The following CREB3L2 variants were observed in gnomAD, a reference collection of about 807,000 sequenced individuals.
CREB3L2 encodes the protein cAMP responsive element binding protein 3 like 2.
Under a neutral mutation model 57.2 loss-of-function variants are expected in CREB3L2, and 23 were observed. The observed-to-expected ratio is 0.40, with a 90% CI of 0.29 to 0.57. The LOEUF (loss-of-function observed/expected upper bound fraction) is 0.57, where lower values mean the gene tolerates loss of function less well. CREB3L2 is among the 20% of genes least tolerant of loss of function. CREB3L2 has a pLI of 0.42. For missense variants in CREB3L2, 628 were observed against 634.7 expected, an observed-to-expected ratio of 0.99 and a Z score of 0.11; for synonymous variants, 268 against 265.1, an observed-to-expected ratio of 1.01 and a Z score of -0.11.
At chr7:137,952,837 C>G (rs1801130016) in intron 1 of CREB3L2, among the ~76,000 whole-genome samples, 1 of 151,850 alleles carries the variant, frequency 6.6e-6, no homozygotes, top group Admixed American at 6.6e-5. Context: ...TAGACGGGGT[C>G]TCTCTCTCTC....
Position 137,898,471 on chromosome 7 carries a change from G to T in CREB3L2, c.1043+2883C>A, listed in dbSNP as rs192413752. Among the ~76,000 whole-genome samples the T allele has an allele frequency of 2.0e-5, 3 of 152,292 alleles. No individual in the cohort carries two copies. In the East Asian group the frequency reaches 5.8e-4, roughly 29 times the overall value. ...TACTTGTGTACCCATGTTCATTAAC[G>T]ATGAAGAGTCTTGCTTTAGAAAAAT... On this transcript the variant is annotated intron_variant, in intron 8 of 11. Transcript: ENST00000330387.
rs181493542 is a variant in CREB3L2 at position 137,941,151 on chromosome 7, C to T, written c.103-12785G>A. Reference sequence around the variant, plus strand: ...CATGGGACAGAAGGCATATAGTCTACATCAGCTCTGTAGATCCTAGCAGCA... The same window carrying T: ...CATGGGACAGAAGGCATATAGTCTATATCAGCTCTGTAGATCCTAGCAGCA... On this transcript the variant is annotated intron_variant, in intron 1 of 11. Transcript: ENST00000330387. Among the ~76,000 whole-genome samples the T allele has an allele frequency of 4.6e-5, 7 of 152,376 alleles. No individual in the cohort carries two copies. In the East Asian group the frequency reaches 1.3e-3, roughly 29 times the overall value.
chr7:137,897,355 A>C (rs1799649684), intron 8 of CREB3L2, among the ~76,000 whole-genome samples: 1 of 152,168 alleles, frequency 6.6e-6, no homozygotes, highest in African/African-American at 2.4e-5. Context: ...TCAGATCCCA[A>C]TAGCATGAAG....
Position 137,875,765 on chromosome 7 carries a change from G to GT in CREB3L2, c.*4710dup, listed in dbSNP as rs1799135659. On this transcript the variant is annotated 3_prime_UTR_variant, in exon 12 of 12. Transcript: ENST00000330387. ...TGGTAAAGAGTCACCCTTGTTTTCCGTATCTATAAAACTGAAAGACTTAAA... is the reference window on the plus strand; with the variant it reads ...TGGTAAAGAGTCACCCTTGTTTTCCGTTATCTATAAAACTGAAAGACTTAAA... The GT allele has an allele frequency of 4.5e-6, 1 of 223,160 alleles. No individual in the cohort carries two copies. Among genetic ancestry groups the GT allele is most frequent in the Non-Finnish European group, 8.9e-6 (1 of 111,768 alleles). The allele number at this position is 223,160 out of a possible 1,614,324, so 13.8% of individuals were successfully genotyped here. A position where few individuals can be genotyped will look rare whatever the true frequency, so the allele number is the denominator to read the frequency against.
intron 8 of CREB3L2, among the ~76,000 whole-genome samples, chr7:137,901,137 A>C (rs1449910319): frequency 6.6e-6 from 1 of 152,214 alleles, no homozygotes; most frequent in Non-Finnish European, 1.5e-5. Context: ...GCATGTGTGC[A>C]TATGTGTTTG....
chr7:137,905,917 A>G (rs60066950), intron 5 of CREB3L2, 69 bp from the exon 6 acceptor site: 7 of 1,403,514 alleles, frequency 5.0e-6, no homozygotes, highest in Non-Finnish European at 6.8e-6. Context: ...TCACCTCCCA[A>G]TGGGATGATG....
intron 1 of CREB3L2, among the ~76,000 whole-genome samples, chr7:137,930,686 C>T (rs992551863): frequency 1.3e-5 from 2 of 152,132 alleles, no homozygotes; most frequent in Admixed American, 6.6e-5. Context: ...AGGGAAGCTA[C>T]AGGACTTGGG....
At chr7:137,922,386 A>ATATATATATATATATATATATATATGTG (rs1800312485) in intron 2 of CREB3L2, among the ~76,000 whole-genome samples, 1 of 14,986 alleles carries the variant, frequency 6.7e-5, no homozygotes, top group Non-Finnish European at 1.1e-4. Flanking sequence ...ATATATATGT[A>ATATATATATATATATATATATATATGTG]TATATATATA....
intron 1 of CREB3L2, among the ~76,000 whole-genome samples, chr7:137,965,149 C>T (rs1183304434): frequency 6.6e-6 from 1 of 152,168 alleles, no homozygotes; most frequent in Non-Finnish European, 1.5e-5. Flanking sequence ...CATAAGGTAA[C>T]ATTCTAAATT....
chr7:137,972,706 A>AACAACAACAAC (rs760748486), intron 1 of CREB3L2, among the ~76,000 whole-genome samples: 905 of 51,690 alleles, frequency 0.018, 53 homozygotes, highest in Admixed American at 0.11. Flanking sequence ...AAAAAAAAAA[A>AACAACAACAAC]AAAAAAATAT....
At chr7:137,984,755 A>G (rs1490606530) in intron 1 of CREB3L2, among the ~76,000 whole-genome samples, 1 of 152,260 alleles carries the variant, frequency 6.6e-6, no homozygotes, top group Non-Finnish European at 1.5e-5. Context: ...GGGGAATAAA[A>G]AATCTACCTA....
chr7:137,980,360 T>C lies in CREB3L2; in HGVS notation c.102+21244A>G, dbSNP rs1801692449. 6.6e-6 allele frequency among the ~76,000 whole-genome samples: 1 copy of C among 152,216 alleles called. No individual in the cohort carries two copies. The highest frequency in any genetic ancestry group is 2.1e-4 in the South Asian group (1 of 4,832). On this transcript the variant is annotated intron_variant, in intron 1 of 11. Transcript: ENST00000330387. This position sits in a 1 kb window ranked among gnomAD's most constrained non-coding sequence, Gnocchi z 4.3. Reference sequence around the variant, plus strand: ...TGATGTGCAGCCAAGACTGAGACTCTTTGCTCTAGACCGTGGGGATGGGCA... The same window carrying C: ...TGATGTGCAGCCAAGACTGAGACTCCTTGCTCTAGACCGTGGGGATGGGCA...
intron 1 of CREB3L2, among the ~76,000 whole-genome samples, chr7:137,957,522 C>G (rs1801240571): frequency 6.6e-6 from 1 of 152,148 alleles, no homozygotes; most frequent in South Asian, 2.1e-4. Context: ...CTCCTTCACC[C>G]TAGAATCTCC....
chr7:137,897,511 A>T (rs1182368992), intron 8 of CREB3L2, among the ~76,000 whole-genome samples: 14 of 152,142 alleles, frequency 9.2e-5, no homozygotes, highest in Admixed American at 2.0e-4. Context: ...CTGGGATTAC[A>T]GGTGTCTGCC....
At chr7:137,987,048 G>A (rs1006355046) in intron 1 of CREB3L2, among the ~76,000 whole-genome samples, 3 of 152,194 alleles carry the variant, frequency 2.0e-5, no homozygotes, top group African/African-American at 4.8e-5. Context: ...CTCTCCCAGC[G>A]GCTCCAACAT....
rs888541316 is a variant in CREB3L2 at position 137,875,804 on chromosome 7, A to G, written c.*4672T>C. On this transcript the variant is annotated 3_prime_UTR_variant, in exon 12 of 12. Coordinates refer to ENST00000330387, the MANE Select transcript of CREB3L2 (RefSeq NM_194071.4). ...GAAAGACTTAAAATTTACTTAGCACAGCACGCAACACCCTAGTAAATGCTC... is the reference window on the plus strand; with the variant it reads ...GAAAGACTTAAAATTTACTTAGCACGGCACGCAACACCCTAGTAAATGCTC... 2.2e-5 allele frequency: 5 copies of G among 224,526 alleles called. No individual in the cohort carries two copies. Among genetic ancestry groups the G allele is most frequent in the East Asian group, 6.5e-5 (1 of 15,458 alleles). The allele number at this position is 224,526 out of a possible 1,614,324, so 13.9% of individuals were successfully genotyped here. A position where few individuals can be genotyped will look rare whatever the true frequency, so the allele number is the denominator to read the frequency against.
intron 1 of CREB3L2, chr7:137,955,208 T>C: frequency 9.1e-7 from 1 of 1,099,490 alleles, no homozygotes; most frequent in Non-Finnish European, 1.2e-6. Flanking sequence ...TCCTTGCCCA[T>C]TTCCATCTTC....
chr7:137,882,423 C>T lies in CREB3L2; in HGVS notation c.1476G>A (p.Leu492=). ...TSLEKSVLLE[L]QQHLVSAKLE... is the part of the protein sequence containing the mutation. ...TCTCTATGACTCACAGGTGCTGCTG[C>T]AGCTCCAAAAGCACTGACTTCTCCA... is the stretch of plus-strand genomic sequence containing the variant. The change falls in exon 11 of 12, where the codon CTG becomes CTA. Residue 492 remains leucine, a synonymous_variant. Coordinates refer to ENST00000330387, the MANE Select transcript of CREB3L2 (RefSeq NM_194071.4). The T allele has an allele frequency of 6.2e-7, 1 of 1,612,622 alleles. No homozygotes were observed. Among genetic ancestry groups the T allele is most frequent in the East Asian group, 2.2e-5 (1 of 44,868 alleles).
chr7:137,943,753 G>A (rs1463339136), intron 1 of CREB3L2, among the ~76,000 whole-genome samples: 4 of 152,176 alleles, frequency 2.6e-5, no homozygotes, highest in African/African-American at 9.7e-5. Context: ...TCGATGAGAT[G>A]ATTCTTCATT....
Sources: allele counts gnomAD v4.1 joint callset (sites outside exome capture counted in the v4.1 genomes callset), GRCh38; gene constraint gnomAD v4.1.1; non-coding constraint Gnocchi (gnomAD v3.1); transcripts MANE v1.5; gene names NCBI Gene and HGNC (gene_info 2026-07-23, HGNC 2026-07-21).